The following NALF1 variants were observed in gnomAD, a reference collection of about 807,000 sequenced individuals.
NALF1 encodes family with sequence similarity 155 member A.
In NALF1, 3 loss-of-function variants were observed where a neutral mutation model predicts 48.4. The observed-to-expected ratio is 0.06, with a 90% CI of 0.03 to 0.16. The LOEUF (loss-of-function observed/expected upper bound fraction) is 0.16, where lower values mean the gene tolerates loss of function less well. Among genes scored for constraint, NALF1 ranks in the 10% least tolerant of loss-of-function variants. The pLI is 1.00. For missense variants in NALF1, 526 were observed against 571.5 expected (o/e 0.92, Z 0.81); for synonymous variants, 262 against 245.7 (o/e 1.07, Z -0.62).
chr13:107,806,762 A>C (rs1022036252), intron 1 of NALF1, among the ~76,000 whole-genome samples: 10 of 152,210 alleles, frequency 6.6e-5, no homozygotes, highest in African/African-American at 2.4e-4. Flanking sequence ...AACTACAAGA[A>C]ACGGAAAACA....
At chr13:107,232,318 G>C (rs1880244029) in intron 1 of NALF1, among the ~76,000 whole-genome samples, 1 of 152,194 alleles carries the variant, frequency 6.6e-6, no homozygotes, top group African/African-American at 2.4e-5. Flanking sequence ...TCTGATAAAG[G>C]GGAGTCTGTT....
intron 1 of NALF1, among the ~76,000 whole-genome samples, chr13:107,863,746 T>C (rs896829349): frequency 3.3e-5 from 5 of 152,226 alleles, no homozygotes; most frequent in Non-Finnish European, 5.9e-5. Context: ...TCGCTATGAT[T>C]ATGTAAATGA....
chr13:107,800,642 T>A (rs1379794949), intron 1 of NALF1, among the ~76,000 whole-genome samples: 1 of 146,522 alleles, frequency 6.8e-6, no homozygotes, highest in Non-Finnish European at 1.5e-5. Context: ...ATAATACATA[T>A]AAGATATATA....
intron 1 of NALF1, among the ~76,000 whole-genome samples, chr13:107,584,477 T>C (rs1878398113): frequency 1.3e-5 from 2 of 152,122 alleles, no homozygotes; most frequent in Non-Finnish European, 1.5e-5. Flanking sequence ...CAGTTTAACA[T>C]CATAAATCAA....
intron 1 of NALF1, among the ~76,000 whole-genome samples, chr13:107,503,924 A>T (rs1329645801): frequency 6.8e-6 from 1 of 146,946 alleles, no homozygotes; most frequent in Non-Finnish European, 1.5e-5. Flanking sequence ...CTTACATGTG[A>T]TTTTTTTTTT....
At chr13:107,555,337 G>T (rs1367619888) in intron 1 of NALF1, among the ~76,000 whole-genome samples, 2 of 151,278 alleles carry the variant, frequency 1.3e-5, no homozygotes, top group South Asian at 4.2e-4. Context: ...CAATGGTGGG[G>T]TCTCAGCTCA....
At chr13:107,307,030 T>C (rs997904751) in intron 1 of NALF1, among the ~76,000 whole-genome samples, 1 of 152,244 alleles carries the variant, frequency 6.6e-6, no homozygotes, top group African/African-American at 2.4e-5. Context: ...TCATCTGAAA[T>C]GCCTGACTTT....
intron 2 of NALF1, among the ~76,000 whole-genome samples, chr13:107,180,348 C>T (rs1389617871): frequency 4.6e-5 from 7 of 151,770 alleles, no homozygotes; most frequent in Non-Finnish European, 7.4e-5. Context: ...TAAATATTTT[C>T]GTTATATCTA....
intron 2 of NALF1, among the ~76,000 whole-genome samples, chr13:107,191,833 ATTTT>A (rs66566638): frequency 1.9e-3 from 216 of 112,184 alleles, no homozygotes; most frequent in African/African-American, 7.2e-3. Context: ...CACTATGCCT[ATTTT>A]TTTTTTTTTT....
At chr13:107,584,868 C>A (rs1386114820) in intron 1 of NALF1, among the ~76,000 whole-genome samples, 1 of 152,122 alleles carries the variant, frequency 6.6e-6, no homozygotes, top group Admixed American at 6.5e-5. Flanking sequence ...TCTTTCACTG[C>A]CTGGTATTGC....
At chr13:107,531,188 T>C (rs899799468) in intron 1 of NALF1, 1 of 168,424 alleles carries the variant, frequency 5.9e-6, no homozygotes, top group Admixed American at 6.5e-5. Flanking sequence ...CCAAATCTCA[T>C]GTTGAAATGT....
At chr13:107,746,776 C>T (rs1876792487) in intron 1 of NALF1, among the ~76,000 whole-genome samples, 1 of 152,084 alleles carries the variant, frequency 6.6e-6, no homozygotes, top group African/African-American at 2.4e-5. Flanking sequence ...TTTTCTGTTC[C>T]AAGATCATAT....
intron 1 of NALF1, among the ~76,000 whole-genome samples, chr13:107,469,902 C>T (rs1290281318): frequency 2.0e-5 from 3 of 151,702 alleles, no homozygotes; most frequent in African/African-American, 7.3e-5. Context: ...TGCCACCACG[C>T]CCGGCTAATT....
intron 1 of NALF1, among the ~76,000 whole-genome samples, chr13:107,529,944 A>C (rs73596729): frequency 9.4e-4 from 143 of 152,180 alleles, no homozygotes; most frequent in African/African-American, 3.4e-3. Flanking sequence ...CCAAACTCAC[A>C]ATCTGCCTAA....
chr13:107,573,159 G>GA (rs1213496627), intron 1 of NALF1, among the ~76,000 whole-genome samples: 1 of 152,140 alleles, frequency 6.6e-6, no homozygotes, highest in Non-Finnish European at 1.5e-5. Flanking sequence ...CTAGACCTCT[G>GA]ACCACAGCAG....
At chr13:107,789,262 T>G (rs2138585584) in intron 1 of NALF1, among the ~76,000 whole-genome samples, 1 of 152,364 alleles carries the variant, frequency 6.6e-6, no homozygotes, top group Non-Finnish European at 1.5e-5. Context: ...TAAATTTTGA[T>G]AAGACTGTGA....
chr13:107,437,555 G>A (rs1884483294), intron 1 of NALF1, among the ~76,000 whole-genome samples: 1 of 152,122 alleles, frequency 6.6e-6, no homozygotes, highest in East Asian at 1.9e-4. Context: ...AAGATGTCTA[G>A]ACATAAAAAG....
chr13:107,452,668 C>G (rs967842516), intron 1 of NALF1, among the ~76,000 whole-genome samples: 2 of 152,194 alleles, frequency 1.3e-5, no homozygotes, highest in African/African-American at 4.8e-5. Context: ...ATGTCCCTTT[C>G]ACATTTCAAA....
intron 1 of NALF1, among the ~76,000 whole-genome samples, chr13:107,312,790 C>A (rs1301813455): frequency 1.3e-5 from 2 of 152,082 alleles, no homozygotes; most frequent in Admixed American, 1.3e-4. Context: ...AAGTTAATGG[C>A]CACTCTGGTG....
Sources: gnomAD v4.1 joint callset for allele counts (sites outside exome capture counted in the v4.1 genomes callset) on GRCh38, gnomAD v4.1.1 for gene constraint, MANE v1.5 for transcripts, NCBI Gene and HGNC (gene_info 2026-07-23, HGNC 2026-07-21) for gene names.